Variants in ZAR1 observed in about 807,000 individuals in gnomAD.
ZAR1 encodes zygote arrest 1, also known as zygote arrest protein 1.
Under a neutral mutation model 38.3 loss-of-function variants are expected in ZAR1, and 37 were observed. The ratio of observed to expected loss-of-function variants is 0.97; its 90% CI spans 0.74 to 1.27. ZAR1 has a LOEUF of 1.27. ZAR1 is among the 50% of genes most tolerant of loss of function. The probability of loss-of-function intolerance (pLI) is 0.00; values close to 1 mark genes in which losing one functional copy is unlikely to be tolerated. For synonymous variants in ZAR1, 336 were observed against 292.0 expected (o/e 1.15, Z -1.53); for missense variants, 651 against 632.4 (o/e 1.03, Z -0.32).
At chr4:48,493,780 ACT>A (rs1364189405) in intron 3 of ZAR1, among the ~76,000 whole-genome samples, 1 of 151,818 alleles carries the variant, frequency 6.6e-6, no homozygotes, top group Non-Finnish European at 1.5e-5. Flanking sequence ...TGCCTTAACC[ACT>A]CTGCTCTTGG....
Sources: allele counts gnomAD v4.1 joint callset (sites outside exome capture counted in the v4.1 genomes callset), GRCh38; gene constraint gnomAD v4.1.1; transcripts MANE v1.5; gene names NCBI Gene and HGNC (gene_info 2026-07-23, HGNC 2026-07-21).